MSRA: variants seen among roughly 807,000 people sequenced by gnomAD.
The protein encoded by MSRA is methionine sulfoxide reductase A, also known as mitochondrial peptide methionine sulfoxide reductase.
Under a neutral mutation model 31.3 loss-of-function variants are expected in MSRA, and 54 were observed. That is an observed-to-expected ratio of 1.73 (90% CI 1.39 to 2.17). The LOEUF (loss-of-function observed/expected upper bound fraction) is 2.17. Ranked by LOEUF, MSRA falls within the 30% of genes most tolerant of loss-of-function variation. The pLI, the probability that MSRA is intolerant of heterozygous loss-of-function variation, is 0.00. For missense variants in MSRA, 507 were observed against 300.9 expected, an observed-to-expected ratio of 1.69 and a Z score of -5.07; for synonymous variants, 169 against 116.5, an observed-to-expected ratio of 1.45 and a Z score of -2.90.
intron 1 of MSRA, among the ~76,000 whole-genome samples, chr8:10,065,027 T>C (rs1227197134): frequency 1.3e-5 from 2 of 151,992 alleles, no homozygotes; most frequent in Non-Finnish European, 2.9e-5. Flanking sequence ...CGAGAAGGCA[T>C]TGCATTGCTG....
At chr8:10,249,365 T>C (rs547555898) in intron 3 of MSRA, among the ~76,000 whole-genome samples, 15 of 152,188 alleles carry the variant, frequency 9.9e-5, no homozygotes, top group South Asian at 2.1e-4. Context: ...GGCTGAGTTA[T>C]ATGACAAAAA....
chr8:10,099,504 C>T (rs1799397069), intron 1 of MSRA, among the ~76,000 whole-genome samples: 2 of 152,188 alleles, frequency 1.3e-5, no homozygotes, highest in South Asian at 4.1e-4. Context: ...TCCATGTAAT[C>T]CAAGCAGCCA....
intron 5 of MSRA, among the ~76,000 whole-genome samples, chr8:10,393,200 T>C (rs909827107): frequency 1.3e-5 from 2 of 151,434 alleles, no homozygotes; most frequent in Non-Finnish European, 2.9e-5. Flanking sequence ...CCGCCCCCCG[T>C]GTTTCTATTC....
chr8:10,241,012 A>G (rs117537393), intron 2 of MSRA, among the ~76,000 whole-genome samples: 2 of 151,972 alleles, frequency 1.3e-5, no homozygotes. Context: ...CTTGTGCATG[A>G]TTCCCGATGT....
Position 10,410,593 on chromosome 8 carries a change from G to A in MSRA, c.544-17555G>A, listed in dbSNP as rs60680701. On this transcript the variant is annotated intron_variant, in intron 5 of 5. Coordinates refer to ENST00000317173, the MANE Select transcript of MSRA (RefSeq NM_012331.5). ...TTATCCCCCTCTTACAGAAGAGAAG[G>A]CCAAGCCTCAAGGTCAGCTCCTGAA... Among the ~76,000 whole-genome samples, 977 of 152,232 alleles carry A rather than the reference G, an allele frequency of 6.4e-3. 14 individuals are homozygous for A. The highest frequency in any genetic ancestry group is 0.022 in the African/African-American group (933 of 41,526).
intron 3 of MSRA, among the ~76,000 whole-genome samples, chr8:10,274,794 TC>T (rs1454820416): frequency 2.0e-5 from 3 of 152,074 alleles, no homozygotes; most frequent in African/African-American, 7.2e-5. Flanking sequence ...CATCCACTCA[TC>T]TAACCATTCA....
intron 1 of MSRA, among the ~76,000 whole-genome samples, chr8:10,066,434 C>G: frequency 6.6e-6 from 1 of 152,222 alleles, no homozygotes; most frequent in Non-Finnish European, 1.5e-5. Flanking sequence ...CACACACGCA[C>G]AATTGTTGGT....
At chr8:10,358,511 C>T (rs976397277) in intron 5 of MSRA, among the ~76,000 whole-genome samples, 3 of 139,226 alleles carry the variant, frequency 2.2e-5, no homozygotes, top group East Asian at 4.9e-4. Context: ...AGGAGGTGAG[C>T]TGGCATTACC....
chr8:10,204,319 T>C (rs1160706176), intron 1 of MSRA, among the ~76,000 whole-genome samples: 7 of 152,252 alleles, frequency 4.6e-5, no homozygotes, highest in Admixed American at 4.6e-4. Flanking sequence ...TGTTCAGTAA[T>C]GGCCTAGGCC....
intron 1 of MSRA, among the ~76,000 whole-genome samples, chr8:10,142,964 G>A (rs552229173): frequency 8.5e-5 from 13 of 152,108 alleles, no homozygotes; most frequent in African/African-American, 3.1e-4. Context: ...CCTTTTCCCA[G>A]TTCCCACCCT....
chr8:10,219,827 A>AAAAAAAAAAAAAAAAAAAAC (rs1563232597), intron 2 of MSRA, among the ~76,000 whole-genome samples: 1 of 150,906 alleles, frequency 6.6e-6, no homozygotes, highest in African/African-American at 2.4e-5. Context: ...AAAAAAAAAA[A>AAAAAAAAAAAAAAAAAAAAC]AGATATTTGT....
At chr8:10,092,224 C>T (rs1428161352) in intron 1 of MSRA, among the ~76,000 whole-genome samples, 1 of 151,870 alleles carries the variant, frequency 6.6e-6, no homozygotes, top group Non-Finnish European at 1.5e-5. Flanking sequence ...TTTTTCCTTT[C>T]TTTTTTTGGT....
Position 10,417,500 on chromosome 8 carries a change from C to T in MSRA, c.544-10648C>T, listed in dbSNP as rs79108220. ...CCCAGCCAGTCAGTGCCCAGTCAGC[C>T]GTCCCCCTTCCTTGTGGCTGAACCG... On this transcript the variant is annotated intron_variant, in intron 5 of 5. Coordinates refer to ENST00000317173, the MANE Select transcript of MSRA (RefSeq NM_012331.5). Among the ~76,000 whole-genome samples, 1,443 of 151,990 alleles carry T rather than the reference C, an allele frequency of 9.5e-3. 6 individuals are homozygous for T. The highest frequency in any genetic ancestry group is 0.019 in the South Asian group (91 of 4,796).
chr8:10,121,677 C>CT (rs540682515), intron 1 of MSRA, among the ~76,000 whole-genome samples: 1,608 of 148,562 alleles, frequency 0.011, 11 homozygotes, highest in Non-Finnish European at 0.014. Flanking sequence ...CTCCCTCTCT[C>CT]TTTTTTTTTT....
chr8:10,297,734 A>G (rs531453249), intron 3 of MSRA, among the ~76,000 whole-genome samples: 1 of 152,326 alleles, frequency 6.6e-6, no homozygotes, highest in African/African-American at 2.4e-5. Context: ...TTGAATTTGA[A>G]TGGTAGTAGT....
intron 1 of MSRA, among the ~76,000 whole-genome samples, chr8:10,184,294 C>T (rs988985661): frequency 1.3e-5 from 2 of 151,702 alleles, no homozygotes; most frequent in Non-Finnish European, 2.9e-5. Context: ...CTTACACAGC[C>T]AGCCTCTTAA....
chr8:10,225,684 T>C (rs1563240507), intron 2 of MSRA, among the ~76,000 whole-genome samples: 2 of 152,184 alleles, frequency 1.3e-5, no homozygotes, highest in Non-Finnish European at 2.9e-5. Context: ...CGATGTTCTT[T>C]ATGGTGCCAG....
intron 1 of MSRA, among the ~76,000 whole-genome samples, chr8:10,102,724 G>C (rs1010270216): frequency 7.2e-5 from 11 of 152,168 alleles, no homozygotes; most frequent in Non-Finnish European, 1.6e-4. Context: ...AGCCTTCTGT[G>C]TTAACAAACC....
chr8:10,209,279 T>G (rs1341949897), intron 2 of MSRA, among the ~76,000 whole-genome samples: 4 of 152,326 alleles, frequency 2.6e-5, no homozygotes, highest in Middle Eastern at 3.4e-3. Context: ...TTTGATGATT[T>G]ATTTATTTAT....
Sources: gnomAD v4.1 joint callset for allele counts (sites outside exome capture counted in the v4.1 genomes callset) on GRCh38, gnomAD v4.1.1 for gene constraint, MANE v1.5 for transcripts, NCBI Gene and HGNC (gene_info 2026-07-23, HGNC 2026-07-21) for gene names.